The following HECW2 variants were observed in gnomAD, a reference collection of about 807,000 sequenced individuals.
HECW2 encodes HECT, C2 and WW domain containing E3 ubiquitin protein ligase 2, also known as E3 ubiquitin-protein ligase HECW2.
Under a neutral mutation model 175.2 loss-of-function variants are expected in HECW2, and 61 were observed. The ratio of observed to expected loss-of-function variants is 0.35; its 90% CI spans 0.28 to 0.43. The LOEUF (loss-of-function observed/expected upper bound fraction) is 0.43. Ranked by LOEUF, HECW2 falls within the 20% of genes least tolerant of loss-of-function variation. HECW2 has a pLI of 1.00. For missense variants in HECW2, 1,524 were observed against 2,000.5 expected, an observed-to-expected ratio of 0.76 and a Z score of 4.54; for synonymous variants, 671 against 731.0, an observed-to-expected ratio of 0.92 and a Z score of 1.32.
At chr2:196,373,700 C>T (rs190344609) in intron 2 of HECW2, among the ~76,000 whole-genome samples, 81 of 151,910 alleles carry the variant, frequency 5.3e-4, no homozygotes, top group Admixed American at 2.0e-3. Context: ...GGGAAACAAA[C>T]AAAAAAGTAA....
chr2:196,542,362 TAGAGAAAGGCAA>T (rs1689250015), intron 1 of HECW2, among the ~76,000 whole-genome samples: 2 of 150,644 alleles, frequency 1.3e-5, no homozygotes, highest in South Asian at 4.2e-4. Flanking sequence ...ACACTGGACA[TAGAGAAAGGCAA>T]ATCCAACACT....
intron 14 of HECW2, among the ~76,000 whole-genome samples, chr2:196,280,768 A>T (rs1284091850): frequency 6.6e-6 from 1 of 152,180 alleles, no homozygotes. Context: ...CTTCTAATAC[A>T]ATTGTCCACT....
intron 2 of HECW2, among the ~76,000 whole-genome samples, chr2:196,364,753 T>C (rs1487734981): frequency 6.6e-6 from 1 of 152,158 alleles, no homozygotes; most frequent in African/African-American, 2.4e-5. Context: ...TAAATAAATA[T>C]AAAATGAATT....
chr2:196,395,703 G>GTTTTT (rs3082114), intron 2 of HECW2, among the ~76,000 whole-genome samples: 1 of 138,636 alleles, frequency 7.2e-6, no homozygotes, highest in African/African-American at 3.0e-5. Context: ...GGATGACTAT[G>GTTTTT]TTTTTTTTTT....
chr2:196,556,359 T>G (rs1413779668), intron 1 of HECW2, among the ~76,000 whole-genome samples: 2 of 152,190 alleles, frequency 1.3e-5, no homozygotes, highest in Non-Finnish European at 2.9e-5. Flanking sequence ...ATATTATTAT[T>G]CACTATAGTC....
chr2:196,458,788 C>G (rs1243205116), intron 1 of HECW2, among the ~76,000 whole-genome samples: 1 of 152,152 alleles, frequency 6.6e-6, no homozygotes, highest in Admixed American at 6.5e-5. Context: ...ATGACTTGAA[C>G]CCAGGAGGAG....
At chr2:196,527,389 G>A (rs1688703437) in intron 1 of HECW2, among the ~76,000 whole-genome samples, 1 of 152,238 alleles carries the variant, frequency 6.6e-6, no homozygotes. Context: ...GCACTCCCTA[G>A]TGAGATGAAC....
At chr2:196,279,616 A>G (rs1690112007) in intron 14 of HECW2, among the ~76,000 whole-genome samples, 1 of 152,136 alleles carries the variant, frequency 6.6e-6, no homozygotes, top group African/African-American at 2.4e-5. Context: ...ACCCCAATAC[A>G]AAGCTTCTCA....
chr2:196,254,125 T>C, intron 18 of HECW2, 96 bp from the exon 19 acceptor site: 1 of 1,513,078 alleles, frequency 6.6e-7, no homozygotes, highest in Non-Finnish European at 8.9e-7. Flanking sequence ...CAAGATCCGG[T>C]TTATATCCCA....
chr2:196,460,776 ATTTTTTTTT>A (rs201916150), intron 1 of HECW2, among the ~76,000 whole-genome samples: 8,809 of 115,620 alleles, frequency 0.076, 340 homozygotes, highest in South Asian at 0.16. Context: ...ACACCTGGCA[ATTTTTTTTT>A]TTTTTTTTTT....
intron 1 of HECW2, among the ~76,000 whole-genome samples, chr2:196,515,270 G>A (rs528043909): frequency 5.9e-5 from 9 of 152,344 alleles, no homozygotes; most frequent in Admixed American, 3.3e-4. Flanking sequence ...CACACTTCTC[G>A]CTGCTCTGCA....
At chr2:196,282,065 C>G (rs1690209319) in intron 14 of HECW2, among the ~76,000 whole-genome samples, 1 of 152,128 alleles carries the variant, frequency 6.6e-6, no homozygotes, top group African/African-American at 2.4e-5. Context: ...TTTTCTGAAA[C>G]AGTTTCCTAA....
chr2:196,243,806 T>C (rs575673941), intron 19 of HECW2, among the ~76,000 whole-genome samples: 2 of 152,176 alleles, frequency 1.3e-5, no homozygotes, highest in Admixed American at 1.3e-4. Flanking sequence ...CTCGAACTCC[T>C]GACCTCAGGT....
chr2:196,426,748 T>C (rs571686821), intron 2 of HECW2, among the ~76,000 whole-genome samples: 1 of 152,268 alleles, frequency 6.6e-6, no homozygotes, highest in East Asian at 1.9e-4. Context: ...AGTTCCAGCC[T>C]TGACTCTTCC....
intron 1 of HECW2, among the ~76,000 whole-genome samples, chr2:196,493,729 A>G (rs1687283261): frequency 6.6e-6 from 1 of 152,224 alleles, no homozygotes. Context: ...CTTTTCAAAA[A>G]GCAAATTTGG....
At chr2:196,248,026 A>G (rs1476365680) in intron 19 of HECW2, among the ~76,000 whole-genome samples, 1 of 152,226 alleles carries the variant, frequency 6.6e-6, no homozygotes, top group Non-Finnish European at 1.5e-5. Flanking sequence ...GGAAGGCTCC[A>G]TCTTCTGGAA....
At chr2:196,385,012 G>A (rs1694308187) in intron 2 of HECW2, among the ~76,000 whole-genome samples, 1 of 151,992 alleles carries the variant, frequency 6.6e-6, no homozygotes, top group Non-Finnish European at 1.5e-5. Context: ...CAATTCCTGG[G>A]CTCAAGCAAT....
At chr2:196,374,466 T>C (rs1480491067) in intron 2 of HECW2, among the ~76,000 whole-genome samples, 2 of 152,198 alleles carry the variant, frequency 1.3e-5, no homozygotes, top group African/African-American at 4.8e-5. Context: ...ACCTTACTAA[T>C]CAGAAAAGAA....
intron 2 of HECW2, among the ~76,000 whole-genome samples, chr2:196,373,986 C>G (rs1226191261): frequency 1.3e-5 from 2 of 151,474 alleles, no homozygotes; most frequent in African/African-American, 4.9e-5. Context: ...GAGCCGAGAT[C>G]CCGCCACTGC....
Sources: gnomAD v4.1 joint callset for allele counts (sites outside exome capture counted in the v4.1 genomes callset) on GRCh38, gnomAD v4.1.1 for gene constraint, MANE v1.5 for transcripts, NCBI Gene and HGNC (gene_info 2026-07-23, HGNC 2026-07-21) for gene names.